Variants in PLG observed in about 807,000 individuals in gnomAD.
PLG encodes plasminogen, also known as plasmin.
Under a neutral mutation model 104.4 loss-of-function variants are expected in PLG, and 41 were observed. The ratio of observed to expected loss-of-function variants is 0.39; its 90% CI spans 0.31 to 0.51. PLG has a LOEUF of 0.51. Ranked by LOEUF, PLG falls within the 20% of genes least tolerant of loss-of-function variation. The probability of loss-of-function intolerance (pLI) is 0.76; values close to 1 mark genes in which losing one functional copy is unlikely to be tolerated. For synonymous variants in PLG, 337 were observed against 357.1 expected (o/e 0.94, Z 0.63); for missense variants, 891 against 1,003.6 (o/e 0.89, Z 1.52).
rs1212611120 is a variant in PLG at position 160,707,942 on chromosome 6, G to A, written c.292+136G>A. 7 of 766,844 alleles carry A rather than the reference G, an allele frequency of 9.1e-6. No homozygotes were observed. The East Asian group carries it at 1.8e-4, about 20-fold the overall frequency. 47.5% of individuals were successfully genotyped at this position (766,844 alleles called of 1,614,324 possible). Reference sequence around the variant, plus strand: ...GTTATAAAACTGAATTCTGAGTTAGGACAGGATTTGATTACTAACTAACCA... The same window carrying A: ...GTTATAAAACTGAATTCTGAGTTAGAACAGGATTTGATTACTAACTAACCA... On this transcript the variant is annotated intron_variant, in intron 3 of 18. Coordinates refer to ENST00000308192, the MANE Select transcript of PLG (RefSeq NM_000301.5).
intron 1 of PLG, among the ~76,000 whole-genome samples, chr6:160,704,965 A>C (rs1180902604): frequency 6.6e-6 from 1 of 151,750 alleles, no homozygotes; most frequent in Admixed American, 6.6e-5. Flanking sequence ...ATCTTTCAGA[A>C]CCTCCCCTGA....
At chr6:160,716,497 C>T in intron 6 of PLG, 148 bp from the exon 7 acceptor site, 1 of 688,384 alleles carries the variant, frequency 1.5e-6, no homozygotes, top group Non-Finnish European at 2.7e-6. Context: ...TCCTTGTTGC[C>T]ATCTCTGAAC....
chr6:160,739,169 A>G lies in PLG; in HGVS notation c.1979A>G (p.Glu660Gly). Residue 660 changes from glutamate to glycine, a missense_variant, in exon 16 of 19, where the codon GAG becomes GGG. By Grantham distance (98) the Glu-to-Gly change is moderately conservative. Coordinates refer to ENST00000308192, the MANE Select transcript of PLG (RefSeq NM_000301.5). This position sits in a 1 kb window ranked among gnomAD's most constrained non-coding sequence, Gnocchi z 4.4. ...QEIEVSRLFL[E>G]PTRKDIALLK... The stretch of plus-strand genomic sequence containing the variant: ...ATAGAAGTGTCTAGGCTGTTCTTGG[A>G]GCCCACACGAAAAGATATTGCCTTG... The G allele has an allele frequency of 6.2e-7, 1 of 1,614,144 alleles. No homozygotes were observed. Among genetic ancestry groups the G allele is most frequent in the Non-Finnish European group, 8.5e-7 (1 of 1,180,028 alleles).
At chr6:160,713,269 C>A in intron 5 of PLG, 144 bp downstream of exon 5, 1 of 735,664 alleles carries the variant, frequency 1.4e-6, no homozygotes, top group Non-Finnish European at 2.3e-6. Flanking sequence ...CAGAATTAAC[C>A]TGAATTTTTT....
chr6:160,704,732 A>C (rs1777485847), intron 1 of PLG, among the ~76,000 whole-genome samples: 1 of 152,164 alleles, frequency 6.6e-6, no homozygotes, highest in South Asian at 2.1e-4. Flanking sequence ...GGAATGTCTT[A>C]AATTGAGGAA....
In PLG at chr6:160,716,734, G is replaced by T; in HGVS notation, c.758G>T (p.Arg253Leu). ...TGTTTCACCACCGACCCCAACAAGCGCTGGGAACTTTGTGACATCCCCCGC... is the reference window on the plus strand; with the variant it reads ...TGTTTCACCACCGACCCCAACAAGCTCTGGGAACTTTGTGACATCCCCCGC... ...PWCFTTDPNKRWELCDIPRCT... is the reference protein window; with the variant it reads ...PWCFTTDPNKLWELCDIPRCT... The change falls in exon 7 of 19, where the codon CGC becomes CTC. Residue 253 changes from arginine to leucine, a missense_variant. This residue lies in a region of PLG where 854 missense variants were observed against 932.1 expected (regional missense o/e 0.92). Coordinates refer to ENST00000308192, the MANE Select transcript of PLG (RefSeq NM_000301.5). 1 of 1,612,198 alleles carries T rather than the reference G, an allele frequency of 6.2e-7. No homozygotes were observed. Among genetic ancestry groups the T allele is most frequent in the South Asian group, 1.1e-5 (1 of 91,036 alleles).
At chr6:160,708,504 A>G (rs550675075) in intron 3 of PLG, 1 of 152,488 alleles carries the variant, frequency 6.6e-6, no homozygotes, top group African/African-American at 2.4e-5. Context: ...TATCCCATCA[A>G]GTATGCTCCC....
rs113939751 is a variant in PLG at position 160,734,515 on chromosome 6, T to C, written c.1681+427T>C. Reference sequence around the variant, plus strand: ...TGTAACGCACATTGTAAACCTCAGATGGCCATCCTAGGAATTCAATGAAAG... The same window carrying C: ...TGTAACGCACATTGTAAACCTCAGACGGCCATCCTAGGAATTCAATGAAAG... On this transcript the variant is annotated intron_variant, in intron 13 of 18. Coordinates refer to ENST00000308192, the MANE Select transcript of PLG (RefSeq NM_000301.5). This position sits in a 1 kb window ranked among gnomAD's most constrained non-coding sequence, Gnocchi z 4.4. Among the ~76,000 whole-genome samples the C allele has an allele frequency of 7.2e-5, 11 of 152,230 alleles. No individual in the cohort carries two copies. Among genetic ancestry groups the C allele is most frequent in the Non-Finnish European group, 1.5e-4 (10 of 67,998 alleles).
In PLG at chr6:160,718,482, C is replaced by T. The variant is rs1317990253; in HGVS notation, c.950+26C>T. On this transcript the variant is annotated intron_variant, in intron 8 of 18. Coordinates refer to ENST00000308192, the MANE Select transcript of PLG (RefSeq NM_000301.5). ...GTAAGTCCCCTCCGGTCTCATTCTG[C>T]TGCTATGGAATGTGAAATCCCATTG... The T allele has an allele frequency of 3.2e-6, 5 of 1,571,962 alleles. No homozygotes were observed. In the African/African-American group the frequency reaches 4.0e-5, roughly 13 times the overall value.
chr6:160,702,232 G>T (rs538436952), upstream of PLG: 3 of 1,576,060 alleles, frequency 1.9e-6, no homozygotes, highest in Non-Finnish European at 2.6e-6. Flanking sequence ...TTGTGGATGC[G>T]TTTACTCTCA....
At chr6:160,713,228 C>T (rs927272812) in intron 5 of PLG, 103 bp downstream of exon 5, 49 of 942,180 alleles carry the variant, frequency 5.2e-5, no homozygotes, top group Middle Eastern at 3.2e-4. Context: ...AATTGAGTAA[C>T]GTATTCACCT....
At chr6:160,708,033 T>A (rs781083241) in intron 3 of PLG, 14 of 470,522 alleles carry the variant, frequency 3.0e-5, no homozygotes, top group Non-Finnish European at 4.8e-5. Flanking sequence ...ATGAAAGGAT[T>A]AGATTTACAA....
At chr6:160,746,027 G>A (rs943126595) in intron 17 of PLG, among the ~76,000 whole-genome samples, 2 of 152,088 alleles carry the variant, frequency 1.3e-5, no homozygotes, top group Admixed American at 6.5e-5. Flanking sequence ...CTTTGTAGAC[G>A]ACCTGTCCTT....
rs1007851242 is a variant in PLG, at chr6:160,738,007, C to A, written c.1803-531C>A. On this transcript the variant is annotated intron_variant, in intron 14 of 18. Coordinates refer to ENST00000308192, the MANE Select transcript of PLG (RefSeq NM_000301.5). This position sits in a 1 kb window ranked among gnomAD's most constrained non-coding sequence, Gnocchi z 6.8. ...AAATGGCTCACACCATTATTCTGAG[C>A]TATTACCTGCCTACGCAGTCCTAGA... Among the ~76,000 whole-genome samples, 2 of 152,146 alleles carry A rather than the reference C, an allele frequency of 1.3e-5. No homozygotes were observed. The highest frequency in any genetic ancestry group is 2.9e-5 in the Non-Finnish European group (2 of 68,036).
chr6:160,745,111 T>A lies in PLG; in HGVS notation c.2125+3694T>A, dbSNP rs756860543. Among the ~76,000 whole-genome samples the A allele has an allele frequency of 7.4e-4, 112 of 152,278 alleles. 1 individual carries two copies. The highest frequency in any genetic ancestry group is 2.2e-3 in the Admixed American group (33 of 15,286). On this transcript the variant is annotated intron_variant, in intron 17 of 18. Transcript: ENST00000308192. ...TTTTAGAGTATGTGCCACATGGTGATGAAAATGTACATTCAGTTGTTTTGG... is the reference window on the plus strand; with the variant it reads ...TTTTAGAGTATGTGCCACATGGTGAAGAAAATGTACATTCAGTTGTTTTGG...
chr6:160,722,891 G>A (rs138263541), intron 10 of PLG, among the ~76,000 whole-genome samples: 12 of 152,136 alleles, frequency 7.9e-5, no homozygotes, highest in African/African-American at 2.4e-4. Flanking sequence ...AAATATCAGT[G>A]CAATATTTCT....
At position 160,723,603 on chromosome 6, in the gene PLG, A is replaced by C. The variant is rs1022084099; in HGVS notation, c.1256+1036A>C. On this transcript the variant is annotated intron_variant, in intron 10 of 18. Transcript: ENST00000308192. This position sits in a 1 kb window ranked among gnomAD's most constrained non-coding sequence, Gnocchi z 4.7. ...TTTTCTAGGCTAGGTAATAACATGA[A>C]AGGAAACATTGTGGAGGAAAGCAGC... is the stretch of plus-strand genomic sequence containing the variant. Among the ~76,000 whole-genome samples, 1 of 152,184 alleles carries C rather than the reference A, an allele frequency of 6.6e-6. No homozygotes were observed. Among genetic ancestry groups the C allele is most frequent in the African/African-American group, 2.4e-5 (1 of 41,444 alleles).
intron 9 of PLG, 137 bp downstream of exon 9, chr6:160,718,975 G>T: frequency 1.3e-6 from 1 of 776,748 alleles, no homozygotes; most frequent in Admixed American, 2.3e-5. Flanking sequence ...TATGATTTCA[G>T]TTTTTTTAGA....
At position 160,702,261 on chromosome 6, in the gene PLG, T is replaced by C; in HGVS notation, c.-44T>C. ...ACTCTCATGTAAGTCAACAACATCC[T>C]GGGATTGGGACCCACTTTCTGGGCA... On this transcript the variant is annotated 5_prime_UTR_variant, in exon 1 of 19. Transcript: ENST00000308192. The C allele has an allele frequency of 1.2e-6, 2 of 1,607,678 alleles. No homozygotes were observed. The highest frequency in any genetic ancestry group is 1.1e-5 in the South Asian group (1 of 90,338).
Sources: gnomAD v4.1 joint callset for allele counts (sites outside exome capture counted in the v4.1 genomes callset) on GRCh38, gnomAD v4.1.1 for gene constraint, gnomAD v4.1.1 regional missense constraint, Gnocchi (gnomAD v3.1) non-coding constraint, MANE v1.5 for transcripts, NCBI Gene and HGNC (gene_info 2026-07-23, HGNC 2026-07-21) for gene names.